Variants in SLC25A21 observed in about 807,000 individuals in gnomAD.
The protein encoded by SLC25A21 is mitochondrial 2-oxodicarboxylate carrier.
SLC25A21 carries 47 observed loss-of-function variants against 43.8 expected under a neutral mutation model. The observed-to-expected ratio is 1.07, with a 90% CI of 0.85 to 1.37. The LOEUF is 1.37. Among genes scored for constraint, SLC25A21 ranks in the 40% most tolerant of loss-of-function variants. The pLI is 0.00. For missense variants in SLC25A21, 352 were observed against 350.2 expected, an observed-to-expected ratio of 1.00 and a Z score of -0.04; for synonymous variants, 131 against 121.3, an observed-to-expected ratio of 1.08 and a Z score of -0.52.
At chr14:36,905,939 G>A (rs1328583042) in intron 1 of SLC25A21, among the ~76,000 whole-genome samples, 5 of 152,130 alleles carry the variant, frequency 3.3e-5, no homozygotes, top group Non-Finnish European at 7.4e-5. Flanking sequence ...AGGAGGTAAC[G>A]TGGCAGAAGA....
intron 1 of SLC25A21, among the ~76,000 whole-genome samples, chr14:36,908,205 C>T (rs1891586512): frequency 6.6e-6 from 1 of 152,056 alleles, no homozygotes; most frequent in East Asian, 1.9e-4. Context: ...AAAAGTGAAC[C>T]CTAATGTAAA....
At chr14:37,037,981 T>C (rs1407807297) in intron 1 of SLC25A21, among the ~76,000 whole-genome samples, 1 of 152,210 alleles carries the variant, frequency 6.6e-6, no homozygotes, top group Non-Finnish European at 1.5e-5. Context: ...TGTTCTTTCC[T>C]TTGCATTTTG....
intron 1 of SLC25A21, among the ~76,000 whole-genome samples, chr14:37,067,249 T>C (rs1040875036): frequency 3.9e-5 from 6 of 152,090 alleles, no homozygotes; most frequent in African/African-American, 1.4e-4. Flanking sequence ...AATGAACCTG[T>C]AGTAACATCA....
At chr14:36,788,085 G>T (rs899305070) in intron 3 of SLC25A21, among the ~76,000 whole-genome samples, 26 of 152,152 alleles carry the variant, frequency 1.7e-4, no homozygotes, top group Non-Finnish European at 3.4e-4. Flanking sequence ...TATTTCTCAA[G>T]AAATGGAAGG....
intron 3 of SLC25A21, among the ~76,000 whole-genome samples, chr14:36,793,247 A>T (rs1035122719): frequency 1.3e-5 from 2 of 152,154 alleles, no homozygotes; most frequent in African/African-American, 4.8e-5. Context: ...CATAATTTGA[A>T]ATCTCCCAAT....
At chr14:36,916,771 C>T (rs1891844541) in intron 1 of SLC25A21, among the ~76,000 whole-genome samples, 1 of 152,030 alleles carries the variant, frequency 6.6e-6, no homozygotes, top group South Asian at 2.1e-4. Flanking sequence ...CGGCCTAGAC[C>T]CAGCTTTTAC....
chr14:36,809,766 A>G (rs141366001), intron 3 of SLC25A21, among the ~76,000 whole-genome samples: 1 of 152,222 alleles, frequency 6.6e-6, no homozygotes, highest in African/African-American at 2.4e-5. Context: ...CTTAGAGGAG[A>G]TAGGAAAAAC....
intron 2 of SLC25A21, among the ~76,000 whole-genome samples, chr14:36,860,573 T>G (rs1890038197): frequency 6.6e-6 from 1 of 152,204 alleles, no homozygotes; most frequent in Non-Finnish European, 1.5e-5. Context: ...ACTGACAGCC[T>G]GTCCGCAAAG....
intron 1 of SLC25A21, among the ~76,000 whole-genome samples, chr14:37,140,665 T>C (rs541483748): frequency 1.3e-5 from 2 of 152,234 alleles, no homozygotes; most frequent in South Asian, 4.1e-4. Context: ...TACTGAATGT[T>C]ATATGAAGTA....
rs1440885960 is a variant in SLC25A21 at position 36,910,393 on chromosome 14, G to A, written c.71-35389C>T. On this transcript the variant is annotated intron_variant, in intron 1 of 9. Coordinates refer to ENST00000331299, the MANE Select transcript of SLC25A21 (RefSeq NM_030631.4). ...AAGGTGTTAAAGCGATGGGAGATGA[G>A]ATAGAGTACGGTAGCAACAGGACCT... Among the ~76,000 whole-genome samples, 4 of 152,142 alleles carry A rather than the reference G, an allele frequency of 2.6e-5. No homozygotes were observed. The East Asian group carries it at 7.7e-4, about 29-fold the overall frequency.
chr14:36,832,101 C>T (rs1166532372), intron 2 of SLC25A21, among the ~76,000 whole-genome samples: 2 of 152,092 alleles, frequency 1.3e-5, no homozygotes, highest in Non-Finnish European at 2.9e-5. Flanking sequence ...CCAAATCCTT[C>T]AGTGGAAAAC....
intron 1 of SLC25A21, among the ~76,000 whole-genome samples, chr14:36,906,305 A>C (rs1305060898): frequency 1.3e-5 from 2 of 152,304 alleles, no homozygotes; most frequent in East Asian, 3.9e-4. Flanking sequence ...AGAAACATGT[A>C]AGAAAATAAA....
chr14:36,698,720 T>C (rs1883147704), intron 7 of SLC25A21, among the ~76,000 whole-genome samples: 1 of 152,206 alleles, frequency 6.6e-6, no homozygotes, highest in South Asian at 2.1e-4. Context: ...TATTGAAGCT[T>C]GTGCATGCAT....
At chr14:36,680,747 T>G (rs866616368) in intron 9 of SLC25A21, 28 bp from the exon 10 acceptor site, 1 of 1,603,342 alleles carries the variant, frequency 6.2e-7, no homozygotes. Flanking sequence ...TGTTTTTTAT[T>G]GCAAATCCTC....
intron 1 of SLC25A21, among the ~76,000 whole-genome samples, chr14:37,158,210 G>T (rs1268507895): frequency 1.3e-5 from 2 of 152,032 alleles, no homozygotes; most frequent in Non-Finnish European, 2.9e-5. Flanking sequence ...TGAAGAGGAG[G>T]TAATTCTCGC....
chr14:36,891,443 A>T (rs1226477355), intron 1 of SLC25A21, among the ~76,000 whole-genome samples: 2 of 152,164 alleles, frequency 1.3e-5, no homozygotes, highest in African/African-American at 4.8e-5. Context: ...AAATAGAGCA[A>T]AATGTGAAGA....
chr14:37,064,109 C>A (rs955381521), intron 1 of SLC25A21, among the ~76,000 whole-genome samples: 5 of 152,154 alleles, frequency 3.3e-5, no homozygotes, highest in African/African-American at 1.2e-4. Context: ...ATCTAATTAA[C>A]TGGGAGCCCA....
At chr14:36,796,696 T>C (rs908321799) in intron 3 of SLC25A21, among the ~76,000 whole-genome samples, 6 of 152,164 alleles carry the variant, frequency 3.9e-5, no homozygotes, top group African/African-American at 1.4e-4. Flanking sequence ...AGACCCTGTT[T>C]GGTCTATTCA....
chr14:36,744,626 A>AAAAAATTTATGACTAAGTCTTCAAAAG (rs1566564692), intron 3 of SLC25A21, among the ~76,000 whole-genome samples: 1 of 151,404 alleles, frequency 6.6e-6, no homozygotes, highest in Admixed American at 6.6e-5. Context: ...GAACATTGGC[A>AAAAAATTTATGACTAAGTCTTCAAAAG]GAAATGCAAC....
Sources: allele counts gnomAD v4.1 joint callset (sites outside exome capture counted in the v4.1 genomes callset), GRCh38; gene constraint gnomAD v4.1.1; transcripts MANE v1.5; gene names NCBI Gene and HGNC (gene_info 2026-07-23, HGNC 2026-07-21).